SAMD12: variants seen among roughly 807,000 people sequenced by gnomAD.
SAMD12 encodes sterile alpha motif domain containing 12, also known as sterile alpha motif domain-containing protein 12.
In SAMD12, 9 loss-of-function variants were observed where a neutral mutation model predicts 15.0. That is an observed-to-expected ratio of 0.60 (90% CI 0.36 to 1.05). SAMD12 has a LOEUF of 1.05. Among genes scored for constraint, SAMD12 ranks in the 50% least tolerant of loss-of-function variants. The pLI is 0.01. For missense variants in SAMD12, 230 were observed against 234.2 expected, an observed-to-expected ratio of 0.98 and a Z score of 0.12; for synonymous variants, 86 against 90.1, an observed-to-expected ratio of 0.96 and a Z score of 0.25.
At chr8:118,138,917 G>A in the SAMD12 span, among the ~76,000 whole-genome samples, 25 of 152,264 alleles carry the variant, frequency 1.6e-4, no homozygotes, top group African/African-American at 1.2e-4. Flanking sequence ...AGCCAATACC[G>A]ACACTAAGGA....
intron 3 of SAMD12, among the ~76,000 whole-genome samples, chr8:118,428,925 T>C (rs1822316817): frequency 6.6e-6 from 1 of 152,216 alleles, no homozygotes; most frequent in South Asian, 2.1e-4. Context: ...TACTCTAACG[T>C]CTTTGCACTT....
intron 2 of SAMD12, among the ~76,000 whole-genome samples, chr8:118,448,838 C>G (rs1253602982): frequency 6.6e-6 from 1 of 152,190 alleles, no homozygotes; most frequent in African/African-American, 2.4e-5. Flanking sequence ...GGTCACTGAA[C>G]CTTTCTAAAC....
intron 4 of SAMD12, among the ~76,000 whole-genome samples, chr8:118,332,778 A>G (rs1040824456): frequency 2.0e-5 from 3 of 152,126 alleles, no homozygotes; most frequent in Non-Finnish European, 4.4e-5. Flanking sequence ...TTGCCCCATC[A>G]CAAACCACAA....
chr8:118,548,497 A>G (rs750214146), intron 2 of SAMD12, among the ~76,000 whole-genome samples: 6 of 152,118 alleles, frequency 3.9e-5, no homozygotes, highest in Non-Finnish European at 8.8e-5. Context: ...AAATGTGTCT[A>G]GATGTTACTC....
At chr8:118,530,750 G>A (rs944701119) in intron 2 of SAMD12, among the ~76,000 whole-genome samples, 1 of 152,008 alleles carries the variant, frequency 6.6e-6, no homozygotes, top group African/African-American at 2.4e-5. Flanking sequence ...TTTGTTTTTG[G>A]GGTTTTAATA....
intron 2 of SAMD12, among the ~76,000 whole-genome samples, chr8:118,522,175 C>T (rs1203638325): frequency 5.4e-5 from 1 of 18,680 alleles, no homozygotes; most frequent in African/African-American, 7.2e-4. Flanking sequence ...CACACACACA[C>T]ACATACACAC....
chr8:118,201,443 A>T (rs944043153), intron 4 of SAMD12, among the ~76,000 whole-genome samples: 6 of 152,120 alleles, frequency 3.9e-5, no homozygotes, highest in Admixed American at 2.6e-4. Context: ...CGAGTGTGGC[A>T]TCTCAAATTT....
At chr8:118,353,268 A>G (rs890808437) in intron 4 of SAMD12, among the ~76,000 whole-genome samples, 6 of 149,512 alleles carry the variant, frequency 4.0e-5, no homozygotes, top group African/African-American at 1.2e-4. Context: ...CCAACATACT[A>G]GATAGTAAAC....
exon 5 of SAMD12, chr8:118,191,759 TATATATATATATA>T (rs1819383030): frequency 2.1e-4 from 1 of 4,742 alleles, no homozygotes; most frequent in African/African-American, 1.1e-3. Flanking sequence ...CTGGAGATTA[TATATATATATATA>T]TATATATATA....
At chr8:118,431,221 A>G (rs1255248583) in intron 3 of SAMD12, among the ~76,000 whole-genome samples, 1 of 152,170 alleles carries the variant, frequency 6.6e-6, no homozygotes, top group Non-Finnish European at 1.5e-5. Flanking sequence ...ACTTATCTAT[A>G]TGGTATAAAA....
At chr8:118,473,279 A>C (rs1203984752) in intron 2 of SAMD12, among the ~76,000 whole-genome samples, 1 of 152,116 alleles carries the variant, frequency 6.6e-6, no homozygotes, top group Non-Finnish European at 1.5e-5. Context: ...TGGTTTTCTA[A>C]ACCTTCCCTA....
At chr8:118,527,190 G>C (rs1019868538) in intron 2 of SAMD12, among the ~76,000 whole-genome samples, 9 of 152,082 alleles carry the variant, frequency 5.9e-5, no homozygotes, top group Non-Finnish European at 1.2e-4. Flanking sequence ...CTCATAATTG[G>C]CCTCTGTGCT....
At chr8:118,507,966 G>C (rs945936368) in intron 2 of SAMD12, among the ~76,000 whole-genome samples, 8 of 147,862 alleles carry the variant, frequency 5.4e-5, no homozygotes, top group African/African-American at 2.0e-4. Flanking sequence ...GTTTGGTTGA[G>C]CAAACCCCTA....
rs549923307 is a variant in SAMD12, at chr8:118,390,961, C to T, written c.323-11261G>A. On this transcript the variant is annotated intron_variant, in intron 3 of 3. Transcript: ENST00000314727. Reference sequence around the variant, plus strand: ...AAATTGGAATAACATTAATTCCCACCTGAAATATAAATTCAGAAAGAAATA... The same window carrying T: ...AAATTGGAATAACATTAATTCCCACTTGAAATATAAATTCAGAAAGAAATA... 9.2e-5 allele frequency among the ~76,000 whole-genome samples: 14 copies of T among 152,006 alleles called. No individual in the cohort carries two copies. In the East Asian group the frequency reaches 2.3e-3, roughly 25 times the overall value.
chr8:118,395,637 A>G (rs1033152947), intron 3 of SAMD12, among the ~76,000 whole-genome samples: 5 of 152,148 alleles, frequency 3.3e-5, no homozygotes, highest in African/African-American at 1.2e-4. Context: ...ACTATAATCA[A>G]TAAGACTCTT....
At chr8:118,196,103 C>T (rs1366358364) in exon 5 of SAMD12, 2 of 152,204 alleles carry the variant, frequency 1.3e-5, no homozygotes, top group African/African-American at 4.8e-5. Context: ...GCTGCTGACT[C>T]ATTTGGACCT....
the SAMD12 span, among the ~76,000 whole-genome samples, chr8:118,149,093 C>A: frequency 6.6e-6 from 1 of 152,042 alleles, no homozygotes; most frequent in Non-Finnish European, 1.5e-5. Flanking sequence ...GTATGCTTAA[C>A]TTTTTTGTTT....
chr8:118,198,910 G>A (rs1269905785), intron 4 of SAMD12, among the ~76,000 whole-genome samples: 2 of 151,900 alleles, frequency 1.3e-5, no homozygotes, highest in Non-Finnish European at 2.9e-5. Context: ...AAAGAAAGAA[G>A]CTATATGCAC....
intron 2 of SAMD12, among the ~76,000 whole-genome samples, chr8:118,524,869 C>A (rs986064667): frequency 6.6e-6 from 1 of 152,214 alleles, no homozygotes; most frequent in Non-Finnish European, 1.5e-5. Context: ...CACCACTCTC[C>A]TGTGGATAAT....
Sources: allele counts gnomAD v4.1 joint callset (sites outside exome capture counted in the v4.1 genomes callset), GRCh38; gene constraint gnomAD v4.1.1; transcripts MANE v1.5; gene names NCBI Gene and HGNC (gene_info 2026-07-23, HGNC 2026-07-21).